The following PRKCH variants were observed in gnomAD, a reference collection of about 807,000 sequenced individuals.
The protein encoded by PRKCH is protein kinase C eta type.
PRKCH carries 28 observed loss-of-function variants against 82.5 expected under a neutral mutation model. That is an observed-to-expected ratio of 0.34 (90% CI 0.25 to 0.47). The LOEUF is 0.47. Among genes scored for constraint, PRKCH ranks in the 20% least tolerant of loss-of-function variants. PRKCH has a pLI of 1.00. For synonymous variants in PRKCH, 322 were observed against 327.4 expected (o/e 0.98, Z 0.18); for missense variants, 705 against 881.8 (o/e 0.80, Z 2.54).
Position 61,428,826 on chromosome 14 carries a change from C to T in PRKCH, c.428-14285C>T, listed in dbSNP as rs1321861514. On this transcript the variant is annotated intron_variant, in intron 2 of 13. Coordinates refer to ENST00000332981, the MANE Select transcript of PRKCH (RefSeq NM_006255.5). ...GTTTGATTCTGAAATTCAATCATTGCCTATGAAAGTTAAAAACATTTTTTT... is the reference window on the plus strand; with the variant it reads ...GTTTGATTCTGAAATTCAATCATTGTCTATGAAAGTTAAAAACATTTTTTT... Among the ~76,000 whole-genome samples the T allele has an allele frequency of 2.6e-5, 4 of 152,122 alleles. No individual in the cohort carries two copies. In the South Asian group the frequency reaches 8.3e-4, roughly 32 times the overall value.
chr14:61,197,542 C>G (rs753265737), intron 1 of PRKCH, among the ~76,000 whole-genome samples: 2 of 152,174 alleles, frequency 1.3e-5, no homozygotes, highest in South Asian at 2.1e-4. Context: ...AGCATGTACT[C>G]AGGTCTCTCT....
intron 1 of PRKCH, among the ~76,000 whole-genome samples, chr14:61,263,593 A>C (rs945543160): frequency 6.6e-6 from 1 of 152,184 alleles, no homozygotes; most frequent in Non-Finnish European, 1.5e-5. Context: ...TTCTATTGCC[A>C]ATTATCTATA....
chr14:61,281,158 CGGGGACCGACGCGCGGGCTGACCGAGT>C (rs1379726812), intron 1 of PRKCH: 5 of 1,312,816 alleles, frequency 3.8e-6, no homozygotes, highest in Non-Finnish European at 4.8e-6. Context: ...GGCGGCCGCG[CGGGGACCGACGCGCGGGCTGACCGAGT>C]GGGGGCCCCG....
intron 2 of PRKCH, among the ~76,000 whole-genome samples, chr14:61,404,521 A>G (rs1453687794): frequency 2.3e-5 from 3 of 129,080 alleles, no homozygotes; most frequent in Admixed American, 9.4e-5. Flanking sequence ...ATGGATGTAT[A>G]TATTCATGCA....
chr14:61,430,898 G>T (rs1424574939), intron 2 of PRKCH, among the ~76,000 whole-genome samples: 1 of 152,130 alleles, frequency 6.6e-6, no homozygotes, highest in Non-Finnish European at 1.5e-5. Flanking sequence ...GGGACTACAG[G>T]CACGTGCCAC....
intron 1 of PRKCH, among the ~76,000 whole-genome samples, chr14:61,327,637 G>A (rs549373485): frequency 2.6e-5 from 4 of 152,014 alleles, no homozygotes; most frequent in African/African-American, 9.7e-5. Flanking sequence ...GTTGTCTTTC[G>A]TTGCACTCAT....
Position 61,280,940 on chromosome 14 carries a change from C to A in PRKCH, c.-19+93272C>A, listed in dbSNP as rs1467255029. On this transcript the variant is annotated intron_variant, in intron 1 of 3. Transcript: ENST00000555185. The surrounding 1 kb of genome is among the most constrained non-coding windows in gnomAD (Gnocchi z 5.0). ...ACCGAGCAGTTACCGGTGCCCGGGT[C>A]GCCTGTATAGTCGTACTCCAGCTCC... The A allele has an allele frequency of 6.5e-7, 1 of 1,538,724 alleles. No homozygotes were observed. The highest frequency in any genetic ancestry group is 1.2e-5 in the South Asian group (1 of 83,466).
chr14:61,384,716 C>T (rs1269075843), intron 1 of PRKCH, among the ~76,000 whole-genome samples: 1 of 151,932 alleles, frequency 6.6e-6, no homozygotes, highest in Non-Finnish European at 1.5e-5. Flanking sequence ...TGAGGGTGCA[C>T]GTTGGGAATC....
intron 1 of PRKCH, among the ~76,000 whole-genome samples, chr14:61,248,101 C>T (rs1178090951): frequency 6.6e-6 from 1 of 152,038 alleles, no homozygotes; most frequent in African/African-American, 2.4e-5. Flanking sequence ...TCAAACATAC[C>T]TCAGTTCTCA....
At chr14:61,326,234 C>G (rs949536558) in intron 1 of PRKCH, among the ~76,000 whole-genome samples, 1 of 152,086 alleles carries the variant, frequency 6.6e-6, no homozygotes, top group African/African-American at 2.4e-5. Context: ...TGTGGTTTAT[C>G]CATACAATGG....
intron 10 of PRKCH, among the ~76,000 whole-genome samples, chr14:61,486,531 A>C (rs1886232580): frequency 1.3e-5 from 2 of 152,182 alleles, no homozygotes; most frequent in Non-Finnish European, 2.9e-5. Context: ...AGTCAGAGAG[A>C]AGGTTGGAGA....
At chr14:61,281,053 G>A in intron 1 of PRKCH, 1 of 1,523,168 alleles carries the variant, frequency 6.6e-7, no homozygotes. Flanking sequence ...CGCGATGCTG[G>A]CCGACAGCAG....
In PRKCH at chr14:61,360,052, C is replaced by G. The variant is rs1474978983; in HGVS notation, c.364-31173C>G. On this transcript the variant is annotated intron_variant, in intron 1 of 13. Coordinates refer to ENST00000332981, the MANE Select transcript of PRKCH (RefSeq NM_006255.5). ...TATAGCGTATGTGGCATTCTCTCAT[C>G]TTATCATTAGAGCATGCCTGTATCT... Among the ~76,000 whole-genome samples the G allele has an allele frequency of 3.9e-5, 6 of 152,218 alleles. 1 individual carries two copies. Among genetic ancestry groups the G allele is most frequent in the Admixed American group, 3.9e-4 (6 of 15,282 alleles).
At chr14:61,532,930 C>T (rs1398495748) in intron 12 of PRKCH, among the ~76,000 whole-genome samples, 2 of 152,168 alleles carry the variant, frequency 1.3e-5, no homozygotes, top group Admixed American at 6.5e-5. Context: ...GCAGCAGCTG[C>T]GATTGTTACA....
At chr14:61,278,967 C>T (rs2045228801) in intron 1 of PRKCH, 1 of 89,420 alleles carries the variant, frequency 1.1e-5, no homozygotes, top group Non-Finnish European at 2.6e-5. Context: ...GAATGAAGCC[C>T]TTTCTAATCA....
intron 1 of PRKCH, among the ~76,000 whole-genome samples, chr14:61,352,094 G>A (rs187401374): frequency 1.8e-3 from 268 of 152,168 alleles, no homozygotes; most frequent in African/African-American, 6.0e-3. Context: ...CTAGTCCCAG[G>A]TCAGCTGCTA....
chr14:61,399,430 GT>G (rs1357840530), intron 2 of PRKCH, among the ~76,000 whole-genome samples: 2 of 152,130 alleles, frequency 1.3e-5, no homozygotes, highest in East Asian at 3.8e-4. Context: ...ATGATTCTCA[GT>G]TTTTATGTAT....
At chr14:61,366,939 C>G (rs2046304391) in intron 1 of PRKCH, among the ~76,000 whole-genome samples, 2 of 152,050 alleles carry the variant, frequency 1.3e-5, no homozygotes, top group South Asian at 2.1e-4. Context: ...TGGCTTCTTC[C>G]CTTCTCTAAG....
chr14:61,280,564 C>A lies in PRKCH; in HGVS notation c.-19+92896C>A. The A allele has an allele frequency of 6.2e-7, 1 of 1,607,334 alleles. No individual in the cohort carries two copies. Among genetic ancestry groups the A allele is most frequent in the Non-Finnish European group, 8.5e-7 (1 of 1,177,314 alleles). On this transcript the variant is annotated intron_variant, in intron 1 of 3. Transcript: ENST00000555185. The surrounding 1 kb of genome is among the most constrained non-coding windows in gnomAD (Gnocchi z 5.0). ...GTGGTAGTCGGTCCACCAGGCGATGCCGGAGCGGTCGAGCGGCACCTCGAC... is the reference window on the plus strand; with the variant it reads ...GTGGTAGTCGGTCCACCAGGCGATGACGGAGCGGTCGAGCGGCACCTCGAC...
Sources: allele counts gnomAD v4.1 joint callset (sites outside exome capture counted in the v4.1 genomes callset), GRCh38; gene constraint gnomAD v4.1.1; non-coding constraint Gnocchi (gnomAD v3.1); transcripts MANE v1.5; gene names NCBI Gene and HGNC (gene_info 2026-07-23, HGNC 2026-07-21).